Variants in AK5 observed in about 807,000 individuals in gnomAD.
The protein encoded by AK5 is adenylate kinase isoenzyme 5.
AK5 carries 27 observed loss-of-function variants against 69.5 expected under a neutral mutation model. The ratio of observed to expected loss-of-function variants is 0.39; its 90% CI spans 0.29 to 0.54. The LOEUF is 0.54. Among genes scored for constraint, AK5 ranks in the 20% least tolerant of loss-of-function variants. AK5 has a pLI of 0.71. For missense variants in AK5, 531 were observed against 700.4 expected (o/e 0.76, Z 2.73); for synonymous variants, 260 against 244.4 (o/e 1.06, Z -0.60).
chr1:77,312,341 A>C (rs934011923), intron 5 of AK5, among the ~76,000 whole-genome samples: 2 of 152,160 alleles, frequency 1.3e-5, no homozygotes, highest in East Asian at 3.9e-4. Flanking sequence ...AAGGCTGGAC[A>C]TGGTGGCTCA....
intron 6 of AK5, among the ~76,000 whole-genome samples, chr1:77,385,553 TA>T: frequency 6.6e-6 from 1 of 152,220 alleles, no homozygotes; most frequent in East Asian, 1.9e-4. Flanking sequence ...GGCTACATTT[TA>T]CTATTAGGCA....
At chr1:77,519,595 C>T (rs1422773706) in intron 11 of AK5, among the ~76,000 whole-genome samples, 1 of 152,236 alleles carries the variant, frequency 6.6e-6, no homozygotes, top group Non-Finnish European at 1.5e-5. Context: ...AATGGCTGCT[C>T]CATGGACAAA....
intron 13 of AK5, among the ~76,000 whole-genome samples, chr1:77,553,959 A>G (rs569062523): frequency 7.2e-5 from 11 of 152,350 alleles, no homozygotes; most frequent in African/African-American, 2.6e-4. Flanking sequence ...TAAATGCAGC[A>G]TAGCATTATT....
intron 10 of AK5, among the ~76,000 whole-genome samples, chr1:77,505,633 G>C (rs367663479): frequency 6.6e-6 from 1 of 152,096 alleles, no homozygotes; most frequent in Non-Finnish European, 1.5e-5. Flanking sequence ...TTGAGAGACC[G>C]AGGCAAGTGG....
chr1:77,504,195 T>A (rs545161864), intron 10 of AK5, among the ~76,000 whole-genome samples: 1 of 152,350 alleles, frequency 6.6e-6, no homozygotes, highest in African/African-American at 2.4e-5. Context: ...GAATAAATTC[T>A]ACTTTTATTA....
At chr1:77,409,765 T>C (rs2100566954) in intron 6 of AK5, among the ~76,000 whole-genome samples, 1 of 152,358 alleles carries the variant, frequency 6.6e-6, no homozygotes, top group East Asian at 1.9e-4. Context: ...CTTGTCAATT[T>C]TTGCTGTTGT....
At chr1:77,401,803 A>G (rs1466815140) in intron 6 of AK5, among the ~76,000 whole-genome samples, 1 of 152,154 alleles carries the variant, frequency 6.6e-6, no homozygotes, top group Non-Finnish European at 1.5e-5. Flanking sequence ...TCCCTTTCCT[A>G]ATCTAGATAT....
intron 7 of AK5, among the ~76,000 whole-genome samples, chr1:77,412,876 A>G (rs1216223202): frequency 2.0e-5 from 3 of 151,924 alleles, no homozygotes; most frequent in Admixed American, 6.6e-5. Context: ...CTCCACACTG[A>G]TCATCAATCC....
chr1:77,353,022 A>G (rs896426511), intron 6 of AK5, among the ~76,000 whole-genome samples: 1 of 152,230 alleles, frequency 6.6e-6, no homozygotes, highest in South Asian at 2.1e-4. Flanking sequence ...TCTGGTCTCC[A>G]TTTTAATTTA....
At chr1:77,502,212 CA>C (rs1396329779) in intron 10 of AK5, among the ~76,000 whole-genome samples, 1 of 152,170 alleles carries the variant, frequency 6.6e-6, no homozygotes, top group African/African-American at 2.4e-5. Flanking sequence ...AGTGGTATGA[CA>C]TGCTATGGCC....
chr1:77,541,753 C>A (rs1021546455), intron 13 of AK5, among the ~76,000 whole-genome samples: 2 of 151,958 alleles, frequency 1.3e-5, no homozygotes, highest in African/African-American at 4.8e-5. Flanking sequence ...GGTTTTTTTT[C>A]TTTCTCTGGC....
intron 10 of AK5, among the ~76,000 whole-genome samples, chr1:77,516,117 T>C (rs916334787): frequency 2.0e-5 from 3 of 152,120 alleles, no homozygotes; most frequent in African/African-American, 7.2e-5. Flanking sequence ...AAAAATGTGC[T>C]AGAATATAGA....
chr1:77,296,494 G>A (rs1659010761), intron 3 of AK5, among the ~76,000 whole-genome samples: 1 of 148,810 alleles, frequency 6.7e-6, no homozygotes, highest in Admixed American at 6.7e-5. Flanking sequence ...TCCATTAGTT[G>A]ACAAAAAATT....
At chr1:77,312,232 C>T (rs1333529175) in intron 5 of AK5, among the ~76,000 whole-genome samples, 1 of 152,122 alleles carries the variant, frequency 6.6e-6, no homozygotes, top group African/African-American at 2.4e-5. Context: ...CTCACTTCTT[C>T]TAGGTACATG....
chr1:77,479,291 G>C (rs77091108), intron 8 of AK5, among the ~76,000 whole-genome samples: 1 of 132,684 alleles, frequency 7.5e-6, no homozygotes, highest in Non-Finnish European at 1.5e-5. Context: ...TGCAACCTCC[G>C]CCTCCCAGGT....
intron 6 of AK5, among the ~76,000 whole-genome samples, chr1:77,392,145 T>C (rs898148702): frequency 2.0e-5 from 3 of 152,234 alleles, no homozygotes; most frequent in African/African-American, 7.2e-5. Context: ...TATATAATTA[T>C]ACAATCTAAA....
intron 7 of AK5, among the ~76,000 whole-genome samples, chr1:77,412,579 G>C (rs1471924592): frequency 1.3e-5 from 2 of 152,198 alleles, no homozygotes; most frequent in African/African-American, 4.8e-5. Flanking sequence ...GGCAGATACT[G>C]TGTAGCTCCA....
In AK5 at chr1:77,558,766, C is replaced by T. The variant is rs1164349313; in HGVS notation, c.*96C>T. ...TCAAGTTAAACCTTTTGTGTCACCG[C>T]CCCCACCAACCACCACCTCCTAAAT... On this transcript the variant is annotated 3_prime_UTR_variant, in exon 14 of 14. Transcript: ENST00000354567. 13 of 828,180 alleles carry T rather than the reference C, an allele frequency of 1.6e-5. No individual in the cohort carries two copies. The highest frequency in any genetic ancestry group is 2.2e-4 in the Middle Eastern group (1 of 4,446). The allele number at this position is 828,180 out of a possible 1,614,324, so 51.3% of individuals were successfully genotyped here.
At position 77,428,137 on chromosome 1, in the gene AK5, C is replaced by A. The variant is rs114615759; in HGVS notation, c.1059+10422C>A. Reference sequence around the variant, plus strand: ...TAGATATAGCACCAAAGGTATAATCCACAAAAGAAAAAGTGCATAATCTGG... The same window carrying A: ...TAGATATAGCACCAAAGGTATAATCAACAAAAGAAAAAGTGCATAATCTGG... On this transcript the variant is annotated intron_variant, in intron 8 of 13. Coordinates refer to ENST00000354567, the MANE Select transcript of AK5 (RefSeq NM_174858.3). Among the ~76,000 whole-genome samples the A allele has an allele frequency of 8.1e-3, 1,226 of 152,182 alleles. 4 individuals are homozygous for A. The highest frequency in any genetic ancestry group is 0.011 in the Non-Finnish European group (773 of 67,996).
Sources: allele counts gnomAD v4.1 joint callset (sites outside exome capture counted in the v4.1 genomes callset), GRCh38; gene constraint gnomAD v4.1.1; transcripts MANE v1.5; gene names NCBI Gene and HGNC (gene_info 2026-07-23, HGNC 2026-07-21).